The following NLRP3 variants were observed in gnomAD, a reference collection of about 807,000 sequenced individuals.
NLRP3 encodes the protein NACHT, LRR and PYD domains-containing protein 3.
NLRP3 carries 48 observed loss-of-function variants against 91.3 expected under a neutral mutation model. That is an observed-to-expected ratio of 0.53 (90% CI 0.42 to 0.67). The LOEUF (loss-of-function observed/expected upper bound fraction) is 0.67. Among genes scored for constraint, NLRP3 ranks in the 30% least tolerant of loss-of-function variants. The probability of loss-of-function intolerance (pLI) is 0.00; values close to 1 mark genes in which losing one functional copy is unlikely to be tolerated. For missense variants in NLRP3, 982 were observed against 1,276.9 expected, an observed-to-expected ratio of 0.77 and a Z score of 3.52; for synonymous variants, 561 against 507.9, an observed-to-expected ratio of 1.10 and a Z score of -1.41.
At chr1:247,439,661 G>A (rs1664066179) in intron 7 of NLRP3, among the ~76,000 whole-genome samples, 1 of 152,110 alleles carries the variant, frequency 6.6e-6, no homozygotes, top group Admixed American at 6.5e-5. Flanking sequence ...CACATATAAA[G>A]TCTTAGAGGA....
rs368835809 is a variant in NLRP3, at chr1:247,419,159, TATA to T, written c.277+83_277+85del. ...TTTTCCATCTTTATATATATATATA[TATA>T]TATTTTTTTTTGAGACGGAGTTGCT... On this transcript the variant is annotated intron_variant, in intron 2 of 9. Transcript: ENST00000336119. 299,592 of 906,016 alleles carry T rather than the reference TATA, an allele frequency of 0.33. 40,353 individuals carry two copies. The highest frequency in any genetic ancestry group is 0.44 in the East Asian group (10,394 of 23,692). 56.1% of individuals were successfully genotyped at this position (906,016 alleles called of 1,614,324 possible).
chr1:247,434,865 A>G (rs997312448), intron 6 of NLRP3, among the ~76,000 whole-genome samples: 6 of 152,236 alleles, frequency 3.9e-5, no homozygotes, highest in African/African-American at 7.2e-5. Flanking sequence ...TGCAGCCACT[A>G]TGGAAAACAG....
intron 7 of NLRP3, among the ~76,000 whole-genome samples, chr1:247,437,489 T>G (rs61841187): frequency 6.6e-6 from 1 of 152,258 alleles, no homozygotes; most frequent in African/African-American, 2.4e-5. Flanking sequence ...CTTCCTGCAG[T>G]GCCTTCATTT....
At chr1:247,430,638 TA>T (rs1161491697) in intron 5 of NLRP3, among the ~76,000 whole-genome samples, 13 of 150,936 alleles carry the variant, frequency 8.6e-5, no homozygotes, top group Admixed American at 5.9e-4. Context: ...AATGAGGAAC[TA>T]AAAAAAAAGT....
At chr1:247,422,503 C>T (rs1662536432) in intron 2 of NLRP3, among the ~76,000 whole-genome samples, 1 of 152,072 alleles carries the variant, frequency 6.6e-6, no homozygotes, top group African/African-American at 2.4e-5. Flanking sequence ...CTATAGAATG[C>T]CTTCTTAAGA....
chr1:247,437,290 T>C (rs929778293), intron 7 of NLRP3, among the ~76,000 whole-genome samples: 3 of 152,220 alleles, frequency 2.0e-5, no homozygotes, highest in South Asian at 4.1e-4. Flanking sequence ...TCTTCATTCA[T>C]TCACATTATT....
chr1:247,441,534 CA>C (rs1664240320), intron 7 of NLRP3, among the ~76,000 whole-genome samples: 1 of 152,164 alleles, frequency 6.6e-6, no homozygotes, highest in Non-Finnish European at 1.5e-5. Flanking sequence ...ATTCAGTTTT[CA>C]TTATGAGACA....
Position 247,434,228 on chromosome 1 carries a change from T to C in NLRP3, c.2447T>C (p.Leu816Pro). Residue 816 changes from leucine to proline, a missense_variant, in exon 6 of 10, where the codon CTG becomes CCG. Coordinates refer to ENST00000336119, the MANE Select transcript of NLRP3 (RefSeq NM_001243133.2). ...CTCGGTGACTTCGGAATCAGACTTC[T>C]GTGTGTGGGACTGAAGCACCTGTTG... The part of the protein sequence containing the change: ...NALGDFGIRL[L>P]CVGLKHLLCN... 6.2e-7 allele frequency: 1 copy of C among 1,614,254 alleles called. No homozygotes were observed. The highest frequency in any genetic ancestry group is 8.5e-7 in the Non-Finnish European group (1 of 1,180,046).
rs563702946 is a variant in NLRP3, at chr1:247,421,051, C to A, written c.277+1974C>A. On this transcript the variant is annotated intron_variant, in intron 2 of 9. Transcript: ENST00000336119. ...AGAACCGTGGAGTTTGGGGCAGAAG[C>A]CTTTCCTTTCACCACCACTTTGGGA... Among the ~76,000 whole-genome samples, 3 of 152,192 alleles carry A rather than the reference C, an allele frequency of 2.0e-5. No homozygotes were observed. The East Asian group carries it at 5.8e-4, about 29-fold the overall frequency.
At chr1:247,435,693 A>C (rs1663739151) in intron 6 of NLRP3, among the ~76,000 whole-genome samples, 1 of 152,252 alleles carries the variant, frequency 6.6e-6, no homozygotes, top group Non-Finnish European at 1.5e-5. Flanking sequence ...TGTGCACTTA[A>C]AAATGGTTAA....
intron 4 of NLRP3, among the ~76,000 whole-genome samples, chr1:247,427,050 T>C (rs1662941537): frequency 6.6e-6 from 1 of 152,208 alleles, no homozygotes; most frequent in Non-Finnish European, 1.5e-5. Flanking sequence ...AAAGGAAGGT[T>C]CACCTTACGG....
intron 7 of NLRP3, among the ~76,000 whole-genome samples, chr1:247,438,294 G>A (rs887035212): frequency 1.3e-5 from 2 of 151,020 alleles, no homozygotes; most frequent in African/African-American, 2.4e-5. Context: ...AGTCTTTCCT[G>A]CTAATGTTAT....
intron 2 of NLRP3, among the ~76,000 whole-genome samples, chr1:247,421,300 G>A (rs2103094319): frequency 6.6e-6 from 1 of 152,152 alleles, no homozygotes; most frequent in South Asian, 2.1e-4. Context: ...TGACACTGGG[G>A]AAACAGACAG....
In NLRP3 at chr1:247,419,051, A is replaced by G. The variant is rs2103084742; in HGVS notation, c.251A>G (p.Lys84Arg). 1.2e-6 allele frequency: 2 copies of G among 1,612,588 alleles called. No homozygotes were observed. Among genetic ancestry groups the G allele is most frequent in the Non-Finnish European group, 1.7e-6 (2 of 1,180,004 alleles). ...ATCAACAGGAGAGACCTTTATGAGA[A>G]AGCAAAAAGAGATGAGCCGAAGTGG... ...AAINRRDLYE[K>R]AKRDEPKWGS... is the part of the protein sequence containing the mutation. Residue 84 changes from lysine to arginine, a missense_variant, in exon 2 of 10, where the codon AAA (lysine) becomes AGA (arginine). By Grantham distance (26) the Lys-to-Arg change is conservative. Coordinates refer to ENST00000336119, the MANE Select transcript of NLRP3 (RefSeq NM_001243133.2).
At position 247,419,025 on chromosome 1, in the gene NLRP3, G is replaced by A. The variant is rs140219362; in HGVS notation, c.225G>A (p.Ala75=). Reference sequence around the variant, plus strand: ...CCATGGCCGTGTGGATCTTCGCTGCGATCAACAGGAGAGACCTTTATGAGA... The same window carrying A: ...CCATGGCCGTGTGGATCTTCGCTGCAATCAACAGGAGAGACCTTTATGAGA... ...AWAMAVWIFA[A]INRRDLYEKA... Residue 75 remains alanine, a synonymous_variant, in exon 2 of 10, where the codon GCG becomes GCA. Coordinates refer to ENST00000336119, the MANE Select transcript of NLRP3 (RefSeq NM_001243133.2). The A allele has an allele frequency of 5.4e-5, 87 of 1,613,332 alleles. No homozygotes were observed. Among genetic ancestry groups the A allele is most frequent in the Non-Finnish European group, 6.8e-5 (80 of 1,180,018 alleles).
In NLRP3 at chr1:247,418,531, A is replaced by G. The variant is rs200475548; in HGVS notation, c.-270A>G. 2.2e-6 allele frequency: 1 copy of G among 449,918 alleles called. No individual in the cohort carries two copies. Among genetic ancestry groups the G allele is most frequent in the Non-Finnish European group, 4.1e-6 (1 of 243,358 alleles). The allele number at this position is 449,918 out of a possible 1,614,324, so 27.9% of individuals were successfully genotyped here. A position where few individuals can be genotyped will look rare whatever the true frequency, so the allele number is the denominator to read the frequency against. Reference sequence around the variant, plus strand: ...TGGCCAGGCTGGTCTTGAATTCCTCAGCTCAGGTGATCTGCCTGCCTTGGC... The same window carrying G: ...TGGCCAGGCTGGTCTTGAATTCCTCGGCTCAGGTGATCTGCCTGCCTTGGC... On this transcript the variant is annotated 5_prime_UTR_variant, in exon 2 of 10. Transcript: ENST00000336119.
At chr1:247,448,111 T>C (rs74154649) in intron 9 of NLRP3, among the ~76,000 whole-genome samples, 7,921 of 151,402 alleles carry the variant, frequency 0.052, 672 homozygotes, top group African/African-American at 0.18. Flanking sequence ...CAGGCTGGGG[T>C]CCTGGGGGTC....
chr1:247,438,977 TC>T (rs1326758410), intron 7 of NLRP3, among the ~76,000 whole-genome samples: 3 of 151,376 alleles, frequency 2.0e-5, no homozygotes, highest in African/African-American at 7.3e-5. Flanking sequence ...TGTCCATCCA[TC>T]CATCCATCCA....
In NLRP3 at chr1:247,448,646, C is replaced by T. The variant is rs934305618; in HGVS notation, c.*142C>T. The T allele has an allele frequency of 5.3e-5, 37 of 704,314 alleles. No individual in the cohort carries two copies. In the Middle Eastern group the frequency reaches 9.3e-4, roughly 18 times the overall value. The allele number at this position is 704,314 out of a possible 1,614,324, so 43.6% of individuals were successfully genotyped here. On this transcript the variant is annotated 3_prime_UTR_variant, in exon 10 of 10. Coordinates refer to ENST00000336119, the MANE Select transcript of NLRP3 (RefSeq NM_001243133.2). ...TGGAGTGTCGGAGAAGAGAGCTTGC[C>T]GACGATGCCTTCCTGTGCAGAGCTT... is the stretch of plus-strand genomic sequence containing the variant.
Sources: allele counts gnomAD v4.1 joint callset (sites outside exome capture counted in the v4.1 genomes callset), GRCh38; gene constraint gnomAD v4.1.1; transcripts MANE v1.5; gene names NCBI Gene and HGNC (gene_info 2026-07-23, HGNC 2026-07-21).